The following IGSF11 variants were observed in gnomAD, a reference collection of about 807,000 sequenced individuals.
IGSF11 encodes CXADR like 1.
A neutral mutation model predicts 41.0 loss-of-function variants in IGSF11; 22 were observed. The observed-to-expected ratio is 0.54, with a 90% confidence interval of 0.38 to 0.77. IGSF11 has a LOEUF of 0.77. Among genes scored for constraint, IGSF11 ranks in the 30% least tolerant of loss-of-function variants. The pLI is 0.00. For missense variants in IGSF11, 444 were observed against 530.8 expected, an observed-to-expected ratio of 0.84 and a Z score of 1.61; for synonymous variants, 219 against 201.3, an observed-to-expected ratio of 1.09 and a Z score of -0.74.
chr3:119,049,098 T>G lies in IGSF11; in HGVS notation c.49+56046A>C, dbSNP rs892620218. On this transcript the variant is annotated intron_variant, in intron 1 of 6. Coordinates refer to the IGSF11 transcript ENST00000354673. The stretch of plus-strand genomic sequence containing the variant: ...TTTGAAAACTGGCACAAGACAGGGA[T>G]GCCCTCTCTCACCACTCCTGTTCAA... Among the ~76,000 whole-genome samples, 26 of 151,822 alleles carry G rather than the reference T, an allele frequency of 1.7e-4. No individual in the cohort carries two copies. The Middle Eastern group carries it at 0.01, about 60-fold the overall frequency.
rs1037664553 is a variant in IGSF11, at chr3:118,978,512, G to A, written c.53-48237C>T. Among the ~76,000 whole-genome samples the A allele has an allele frequency of 2.0e-5, 3 of 152,200 alleles. No homozygotes were observed. The South Asian group carries it at 6.2e-4, about 32-fold the overall frequency. ...AGCCTGCCTGGACCCGCTAACACTG[G>A]TACCAATGTATGCCACCTTGGGCCC... On this transcript the variant is annotated intron_variant, in intron 1 of 6. Transcript: ENST00000393775.
intron 1 of IGSF11, among the ~76,000 whole-genome samples, chr3:118,996,753 C>G (rs1401093599): frequency 6.6e-6 from 1 of 152,132 alleles, no homozygotes; most frequent in Non-Finnish European, 1.5e-5. Context: ...GTGCTTGCCA[C>G]AATGCCTGGC....
At chr3:119,031,278 A>AAACT (rs2067246) in intron 1 of IGSF11, among the ~76,000 whole-genome samples, 88,811 of 151,256 alleles carry the variant, frequency 0.59, 26,176 homozygotes, top group South Asian at 0.66. Context: ...ATAAATAAAC[A>AAACT]AACTAACTAA....
chr3:119,075,386 T>G (rs145805578), intron 1 of IGSF11, among the ~76,000 whole-genome samples: 25 of 152,248 alleles, frequency 1.6e-4, no homozygotes, highest in Non-Finnish European at 3.1e-4. Flanking sequence ...CACCGCTAAA[T>G]TCCACCAGAA....
chr3:119,093,645 G>C (rs2076801361), intron 1 of IGSF11, among the ~76,000 whole-genome samples: 1 of 152,086 alleles, frequency 6.6e-6, no homozygotes, highest in South Asian at 2.1e-4. Flanking sequence ...TTTTCATAAA[G>C]CTTTGACAGT....
chr3:119,066,968 A>T (rs1942251489), intron 1 of IGSF11, among the ~76,000 whole-genome samples: 1 of 152,090 alleles, frequency 6.6e-6, no homozygotes, highest in Non-Finnish European at 1.5e-5. Flanking sequence ...TTATTTTCCA[A>T]ATATATTAAT....
At chr3:118,934,144 C>T (rs1025611269) in intron 1 of IGSF11, among the ~76,000 whole-genome samples, 2 of 152,182 alleles carry the variant, frequency 1.3e-5, no homozygotes, top group Admixed American at 1.3e-4. Context: ...AAAGCACTCT[C>T]TATAGTCTCT....
chr3:119,106,193 C>G (rs368160410), upstream of IGSF11, among the ~76,000 whole-genome samples: 3 of 152,092 alleles, frequency 2.0e-5, no homozygotes, highest in East Asian at 5.8e-4. Context: ...AAGCATTTAT[C>G]CTTTGTGTTT....
chr3:119,007,568 G>A (rs914866746), intron 1 of IGSF11, among the ~76,000 whole-genome samples: 7 of 151,962 alleles, frequency 4.6e-5, no homozygotes, highest in Non-Finnish European at 1.0e-4. Context: ...ATCTTTATTA[G>A]ACTAAATTGA....
At chr3:119,083,119 C>CTTTTTTTTTTTTTTTTTTTTTTT (rs1272341276) in intron 1 of IGSF11, among the ~76,000 whole-genome samples, 1 of 114,818 alleles carries the variant, frequency 8.7e-6, no homozygotes, top group South Asian at 2.9e-4. Flanking sequence ...TTTTCTTTTT[C>CTTTTTTTTTTTTTTTTTTTTTTT]TTTTTTCTTT....
intron 1 of IGSF11, among the ~76,000 whole-genome samples, chr3:119,025,107 T>A (rs1939691953): frequency 6.6e-6 from 1 of 152,206 alleles, no homozygotes; most frequent in Non-Finnish European, 1.5e-5. Flanking sequence ...TAGAAATTAC[T>A]ATAACATTTT....
intron 4 of IGSF11, among the ~76,000 whole-genome samples, chr3:118,922,928 G>A (rs888507146): frequency 6.6e-6 from 1 of 152,062 alleles, no homozygotes; most frequent in Non-Finnish European, 1.5e-5. Flanking sequence ...AGAACATGCT[G>A]GGAATGCAAC....
At chr3:118,964,507 A>G (rs1472704353) in intron 1 of IGSF11, among the ~76,000 whole-genome samples, 1 of 152,166 alleles carries the variant, frequency 6.6e-6, no homozygotes, top group Non-Finnish European at 1.5e-5. Flanking sequence ...GCAAATACAC[A>G]AATTATTTGC....
At chr3:119,086,436 T>C (rs2076674301) in intron 1 of IGSF11, among the ~76,000 whole-genome samples, 2 of 151,548 alleles carry the variant, frequency 1.3e-5, no homozygotes, top group East Asian at 1.9e-4. Flanking sequence ...AACAGTGTCA[T>C]CAGATTCAGC....
intron 1 of IGSF11, among the ~76,000 whole-genome samples, chr3:118,952,401 G>A (rs1944641125): frequency 6.6e-6 from 1 of 152,116 alleles, no homozygotes; most frequent in African/African-American, 2.4e-5. Flanking sequence ...TTCAAAATTG[G>A]AGTCAATCCT....
intron 1 of IGSF11, among the ~76,000 whole-genome samples, chr3:119,015,503 A>G (rs1297910435): frequency 6.6e-6 from 1 of 152,204 alleles, no homozygotes; most frequent in African/African-American, 2.4e-5. Flanking sequence ...ACACCTAAGT[A>G]CCTAACATAA....
chr3:119,082,180 T>C (rs910477114), intron 1 of IGSF11, among the ~76,000 whole-genome samples: 1 of 152,208 alleles, frequency 6.6e-6, no homozygotes, highest in Admixed American at 6.5e-5. Context: ...AATTGAAATT[T>C]AATGGCTTAC....
At chr3:119,096,290 T>C (rs896005144) in intron 1 of IGSF11, among the ~76,000 whole-genome samples, 1 of 151,876 alleles carries the variant, frequency 6.6e-6, no homozygotes, top group Non-Finnish European at 1.5e-5. Flanking sequence ...CATGTGGAAG[T>C]GGGAAACATG....
At chr3:119,114,481 G>C (rs1559876459) in intron 1 of IGSF11, among the ~76,000 whole-genome samples, 1 of 152,150 alleles carries the variant, frequency 6.6e-6, no homozygotes, top group South Asian at 2.1e-4. Context: ...CAGATCCCTA[G>C]GGCAGAGGCA....
Sources: gnomAD v4.1 joint callset for allele counts (sites outside exome capture counted in the v4.1 genomes callset) on GRCh38, gnomAD v4.1.1 for gene constraint, MANE v1.5 for transcripts, NCBI Gene and HGNC (gene_info 2026-07-23, HGNC 2026-07-21) for gene names.